The following VNN1 variants were observed in gnomAD, a reference collection of about 807,000 sequenced individuals.
The protein encoded by VNN1 is pantetheinase.
Under a neutral mutation model 41.9 loss-of-function variants are expected in VNN1, and 29 were observed. That is an observed-to-expected ratio of 0.69 (90% CI 0.52 to 0.94). VNN1 has a LOEUF of 0.94. Among genes scored for constraint, VNN1 ranks in the 40% least tolerant of loss-of-function variants. The probability of loss-of-function intolerance (pLI) is 0.00; values close to 1 mark genes in which losing one functional copy is unlikely to be tolerated. For missense variants in VNN1, 637 were observed against 621.1 expected, an observed-to-expected ratio of 1.03 and a Z score of -0.27; for synonymous variants, 233 against 224.4, an observed-to-expected ratio of 1.04 and a Z score of -0.34.
chr6:132,688,700 C>A (rs1169657189), intron 5 of VNN1, among the ~76,000 whole-genome samples: 1 of 151,994 alleles, frequency 6.6e-6, no homozygotes, highest in Non-Finnish European at 1.5e-5. Flanking sequence ...ATGAATGTCA[C>A]ATATATAAGG....
chr6:132,689,692 G>A (rs535426425), intron 5 of VNN1, among the ~76,000 whole-genome samples: 122 of 152,156 alleles, frequency 8.0e-4, no homozygotes, highest in Non-Finnish European at 1.6e-3. Context: ...TTTACTGTCA[G>A]TACAGTCTCC....
chr6:132,692,659 T>C (rs1449866051), intron 4 of VNN1, 75 bp from the exon 5 acceptor site: 38 of 1,477,198 alleles, frequency 2.6e-5, no homozygotes, highest in Non-Finnish European at 3.3e-5. Context: ...ATTACTATTT[T>C]AACCTCATAT....
Position 132,713,897 on chromosome 6 carries a change from C to T in VNN1, c.139G>A (p.Glu47Lys). 1 of 1,613,998 alleles carries T rather than the reference C, an allele frequency of 6.2e-7. No individual in the cohort carries two copies. Among genetic ancestry groups the T allele is most frequent in the Non-Finnish European group, 8.5e-7 (1 of 1,180,024 alleles). Reference sequence around the variant, plus strand: ...CGATTCATTAATGCCAAAGCCTCCTCACGAGACACTGGTGTTAGGGTGGCA... The same window carrying T: ...CGATTCATTAATGCCAAAGCCTCCTTACGAGACACTGGTGTTAGGGTGGCA... ...PNATLTPVSREEALALMNRNL... is the reference protein window; with the variant it reads ...PNATLTPVSRKEALALMNRNL... The change falls in exon 1 of 7, where the codon GAG becomes AAG. Residue 47 changes from glutamate to lysine, a missense_variant. By Grantham distance (56) the Glu-to-Lys change is moderately conservative (BLOSUM62 1). Transcript: ENST00000367928.
At chr6:132,710,645 A>T (rs1472142529) in intron 2 of VNN1, among the ~76,000 whole-genome samples, 1 of 152,022 alleles carries the variant, frequency 6.6e-6, no homozygotes, top group Admixed American at 6.6e-5. Context: ...TTCCTGTGTT[A>T]GTTTGCTGAG....
intron 2 of VNN1, among the ~76,000 whole-genome samples, chr6:132,702,414 A>C (rs1408777169): frequency 1.3e-5 from 2 of 152,204 alleles, no homozygotes. Context: ...CCCTGGTGCC[A>C]AAAACGTTGG....
At position 132,694,152 on chromosome 6, in the gene VNN1, G is replaced by A; in HGVS notation, c.372C>T (p.Leu124=). The change falls in exon 3 of 7, where the codon CTC becomes CTT. Residue 124 remains leucine (L), a synonymous_variant. Transcript: ENST00000367928. ...TAGAGTTGTTCTTGGCCAGGCAGCT[G>A]AGTCTTTCTTGTACTGGGGTCTGGC... The part of the protein sequence containing the change: ...RFGQTPVQER[L]SCLAKNNSIY... 2 of 1,612,072 alleles carry A rather than the reference G, an allele frequency of 1.2e-6. No individual in the cohort carries two copies. The highest frequency in any genetic ancestry group is 1.7e-6 in the Non-Finnish European group (2 of 1,179,048).
intron 2 of VNN1, among the ~76,000 whole-genome samples, chr6:132,708,477 G>T (rs1248545770): frequency 6.6e-6 from 1 of 152,072 alleles, no homozygotes; most frequent in African/African-American, 2.4e-5. Flanking sequence ...TTCCTTTAAC[G>T]CTCAGTCTAA....
chr6:132,690,489 A>G (rs1778266673), intron 5 of VNN1, among the ~76,000 whole-genome samples: 1 of 152,164 alleles, frequency 6.6e-6, no homozygotes, highest in African/African-American at 2.4e-5. Flanking sequence ...CAGCTCCAGA[A>G]ACTTCCCTGC....
intron 5 of VNN1, among the ~76,000 whole-genome samples, chr6:132,688,471 C>T (rs1442733268): frequency 1.3e-5 from 2 of 152,090 alleles, no homozygotes; most frequent in Non-Finnish European, 2.9e-5. Flanking sequence ...ACCTACCTCA[C>T]AACACTAAGA....
intron 2 of VNN1, among the ~76,000 whole-genome samples, chr6:132,708,756 T>A (rs540926056): frequency 6.6e-6 from 1 of 152,328 alleles, no homozygotes; most frequent in South Asian, 2.1e-4. Context: ...TATGCCATAA[T>A]GATCACAACA....
chr6:132,694,852 C>CA (rs766970358), intron 2 of VNN1, among the ~76,000 whole-genome samples: 1 of 151,530 alleles, frequency 6.6e-6, no homozygotes, highest in Non-Finnish European at 1.5e-5. Flanking sequence ...AACCCTGTCT[C>CA]AAAAAACAAA....
At chr6:132,702,228 G>A (rs547397325) in intron 2 of VNN1, among the ~76,000 whole-genome samples, 1 of 152,312 alleles carries the variant, frequency 6.6e-6, no homozygotes, top group African/African-American at 2.4e-5. Flanking sequence ...CAGATCAGTT[G>A]CAGCATTAGA....
At chr6:132,709,218 TGATAGATA>T (rs3063218) in intron 2 of VNN1, among the ~76,000 whole-genome samples, 2 of 151,220 alleles carry the variant, frequency 1.3e-5, no homozygotes, top group Admixed American at 6.6e-5. Context: ...GATAGATAGA[TGATAGATA>T]GATAGATAAT....
intron 2 of VNN1, among the ~76,000 whole-genome samples, chr6:132,697,561 C>T (rs1369910043): frequency 6.6e-6 from 1 of 151,748 alleles, no homozygotes; most frequent in East Asian, 1.9e-4. Context: ...TATTTATCCT[C>T]TATTGCACAA....
chr6:132,695,599 G>A (rs1778358082), intron 2 of VNN1, among the ~76,000 whole-genome samples: 1 of 152,100 alleles, frequency 6.6e-6, no homozygotes, highest in African/African-American at 2.4e-5. Context: ...CATTTTTGCA[G>A]GCCCTCTTTC....
At chr6:132,707,213 G>A (rs1295079482) in intron 2 of VNN1, among the ~76,000 whole-genome samples, 1 of 127,416 alleles carries the variant, frequency 7.8e-6, no homozygotes, top group Non-Finnish European at 1.6e-5. Flanking sequence ...GCAACAAGAG[G>A]GAGGCTCTGT....
chr6:132,693,383 G>C, intron 3 of VNN1, 68 bp from the exon 4 acceptor site: 1 of 1,432,424 alleles, frequency 7.0e-7, no homozygotes, highest in Non-Finnish European at 9.3e-7. Context: ...CACAGTGTGG[G>C]AAAAAGTACA....
chr6:132,687,051 T>A (rs2745429), intron 5 of VNN1, among the ~76,000 whole-genome samples: 57,455 of 151,592 alleles, frequency 0.38, 11,984 homozygotes, highest in African/African-American at 0.56. Flanking sequence ...AGAGCCCTAA[T>A]CCAAGAGGCA....
chr6:132,699,203 G>T, intron 2 of VNN1: 1 of 355,760 alleles, frequency 2.8e-6, no homozygotes. Flanking sequence ...GATTGCATTG[G>T]AGAAGTTGTA....
Sources: allele counts gnomAD v4.1 joint callset (sites outside exome capture counted in the v4.1 genomes callset), GRCh38; gene constraint gnomAD v4.1.1; transcripts MANE v1.5; gene names NCBI Gene and HGNC (gene_info 2026-07-23, HGNC 2026-07-21).